The following CLIP2 variants were observed in gnomAD, a reference collection of about 807,000 sequenced individuals.
CLIP2 encodes the protein CAP-Gly domain-containing linker protein 2.
CLIP2 carries 41 observed loss-of-function variants against 111.7 expected under a neutral mutation model. That is an observed-to-expected ratio of 0.37 (90% CI 0.29 to 0.48). The LOEUF is 0.48. Among genes scored for constraint, CLIP2 ranks in the 20% least tolerant of loss-of-function variants. CLIP2 has a pLI of 0.99. For synonymous variants in CLIP2, 660 were observed against 644.2 expected (o/e 1.02, Z -0.37); for missense variants, 1,160 against 1,422.1 (o/e 0.82, Z 2.96).
Position 74,403,309 on chromosome 7 carries a change from G to T in CLIP2, c.3130-528G>T, listed in dbSNP as rs1791673722. On this transcript the variant is annotated intron_variant, in intron 16 of 16. Transcript: ENST00000223398. ...CTTCTGGCTGGGCGCAGTGGCTCAT[G>T]CCTGTAATCCCAGAACTTTGGGAGG... Among the ~76,000 whole-genome samples, 4 of 152,146 alleles carry T rather than the reference G, an allele frequency of 2.6e-5. No homozygotes were observed. The South Asian group carries it at 8.3e-4, about 32-fold the overall frequency.
intron 2 of CLIP2, among the ~76,000 whole-genome samples, chr7:74,319,820 AAAAAAG>A (rs1788894013): frequency 1.1e-5 from 1 of 90,360 alleles, no homozygotes; most frequent in Non-Finnish European, 3.1e-5. Flanking sequence ...GACCCTAAAA[AAAAAAG>A]AGAGAGAGAA....
rs564417619 is a variant in CLIP2 at position 74,334,655 on chromosome 7, C to G, written c.122-3793C>G. The stretch of plus-strand genomic sequence containing the variant: ...ATGGATATGGGGTAGGAGCTGGCAC[C>G]TGCCAGGCACCCACTGTGCGTGTGG... On this transcript the variant is annotated intron_variant, in intron 2 of 16. Transcript: ENST00000223398. 1.4e-4 allele frequency among the ~76,000 whole-genome samples: 22 copies of G among 152,172 alleles called. 1 individual carries two copies. The South Asian group carries it at 4.6e-3, about 32-fold the overall frequency.
chr7:74,398,443 G>A (rs1791521140), intron 14 of CLIP2, among the ~76,000 whole-genome samples: 2 of 152,210 alleles, frequency 1.3e-5, no homozygotes, highest in Non-Finnish European at 2.9e-5. Context: ...CCTGGTGAAC[G>A]TCACGATATG....
At chr7:74,342,475 G>A (rs539590059) in intron 3 of CLIP2, among the ~76,000 whole-genome samples, 4 of 152,314 alleles carry the variant, frequency 2.6e-5, no homozygotes, top group African/African-American at 9.6e-5. Flanking sequence ...TGACCTGGGT[G>A]ACCCCACAGG....
At chr7:74,350,832 C>T (rs1221396557) in intron 3 of CLIP2, among the ~76,000 whole-genome samples, 1 of 150,534 alleles carries the variant, frequency 6.6e-6, no homozygotes, top group Non-Finnish European at 1.5e-5. Context: ...CACCACTGCA[C>T]TCCAGTATGG....
chr7:74,363,003 G>A (rs1469149266), intron 7 of CLIP2, among the ~76,000 whole-genome samples: 2 of 151,092 alleles, frequency 1.3e-5, no homozygotes, highest in Admixed American at 1.3e-4. Flanking sequence ...GCAGCTTTGA[G>A]CTTTTTTTTT....
chr7:74,398,284 A>G (rs1791515351), intron 14 of CLIP2, among the ~76,000 whole-genome samples: 1 of 151,952 alleles, frequency 6.6e-6, no homozygotes, highest in Non-Finnish European at 1.5e-5. Flanking sequence ...ACTTGAACCC[A>G]GGAGGCGGAG....
chr7:74,321,029 C>T (rs782472557), intron 2 of CLIP2, among the ~76,000 whole-genome samples: 4 of 152,140 alleles, frequency 2.6e-5, no homozygotes, highest in African/African-American at 7.2e-5. Flanking sequence ...CAAATTCTGG[C>T]TGTGATCCAG....
chr7:74,360,762 G>T lies in CLIP2; in HGVS notation c.1319+484G>T, dbSNP rs188829242. ...GATGGGGTTTTGGCACATTGGCCAG[G>T]CTAGTCTCGAACTCCTGACCTCAGG... On this transcript the variant is annotated intron_variant, in intron 7 of 16. Coordinates refer to ENST00000223398, the MANE Select transcript of CLIP2 (RefSeq NM_003388.5). Among the ~76,000 whole-genome samples, 19 of 152,160 alleles carry T rather than the reference G, an allele frequency of 1.2e-4. 1 individual carries two copies. In the East Asian group the frequency reaches 3.7e-3, roughly 29 times the overall value.
chr7:74,401,372 C>G, intron 15 of CLIP2, 133 bp from the exon 16 acceptor site: 1 of 787,892 alleles, frequency 1.3e-6, no homozygotes, highest in South Asian at 1.6e-5. Context: ...TTTGGGGGTG[C>G]TGGGAGCCCC....
intron 1 of CLIP2, among the ~76,000 whole-genome samples, chr7:74,310,352 C>T (rs1788610895): frequency 6.6e-6 from 1 of 151,766 alleles, no homozygotes; most frequent in Non-Finnish European, 1.5e-5. Flanking sequence ...TAGTGAGACT[C>T]CAGCTGCAAA....
intron 2 of CLIP2, among the ~76,000 whole-genome samples, chr7:74,334,287 G>C (rs949516585): frequency 6.6e-6 from 1 of 152,218 alleles, no homozygotes; most frequent in Admixed American, 6.6e-5. Flanking sequence ...CTACTCAGAG[G>C]AAGAATGAAG....
At chr7:74,400,641 G>A (rs990352367) in intron 15 of CLIP2, 86 bp downstream of exon 15, 15 of 1,343,116 alleles carry the variant, frequency 1.1e-5, no homozygotes, top group South Asian at 1.5e-5. Flanking sequence ...AGGCAGCCTT[G>A]TCTTTAAAAC....
intron 3 of CLIP2, among the ~76,000 whole-genome samples, chr7:74,347,686 C>A (rs968872474): frequency 1.1e-4 from 17 of 152,164 alleles, no homozygotes; most frequent in Admixed American, 7.9e-4. Context: ...ACAGCTGGTC[C>A]TCTGAGAAAT....
Position 74,354,011 on chromosome 7 carries a change from T to G in CLIP2, c.803+7T>G. The G allele has an allele frequency of 6.2e-7, 1 of 1,608,206 alleles. No homozygotes were observed. The highest frequency in any genetic ancestry group is 8.5e-7 in the Non-Finnish European group (1 of 1,176,488). On this transcript the variant is annotated splice_region_variant and intron_variant, in intron 4 of 16. Coordinates refer to ENST00000223398, the MANE Select transcript of CLIP2 (RefSeq NM_003388.5). ...GGGCGGTGGCGGGCACCAGGTATGG[T>G]GGGCTTCTTCTGGGGAGTATGGGAG...
chr7:74,385,891 C>G (rs1212337157), intron 11 of CLIP2, among the ~76,000 whole-genome samples: 1 of 150,284 alleles, frequency 6.7e-6, no homozygotes, highest in Non-Finnish European at 1.5e-5. Flanking sequence ...TACAGGCATG[C>G]ACCACCACGC....
chr7:74,302,826 A>T (rs782030389), intron 1 of CLIP2, among the ~76,000 whole-genome samples: 1 of 152,194 alleles, frequency 6.6e-6, no homozygotes, highest in East Asian at 1.9e-4. Flanking sequence ...GCAAGGCCCT[A>T]TCCCCACGCT....
chr7:74,400,618 C>A (rs564852619), intron 15 of CLIP2, 63 bp downstream of exon 15: 2 of 1,424,216 alleles, frequency 1.4e-6, no homozygotes, highest in South Asian at 2.9e-5. Context: ...TCGGAGCCCC[C>A]GTCTGATGCG....
At chr7:74,312,072 A>G (rs1554728604) in intron 1 of CLIP2, among the ~76,000 whole-genome samples, 1 of 151,926 alleles carries the variant, frequency 6.6e-6, no homozygotes, top group African/African-American at 2.4e-5. Flanking sequence ...ATGGTGAAAC[A>G]CCATCTCTAC....
Sources: gnomAD v4.1 joint callset for allele counts (sites outside exome capture counted in the v4.1 genomes callset) on GRCh38, gnomAD v4.1.1 for gene constraint, MANE v1.5 for transcripts, NCBI Gene and HGNC (gene_info 2026-07-23, HGNC 2026-07-21) for gene names.